Variants in ARID1B observed in about 807,000 individuals in gnomAD.
The protein encoded by ARID1B is AT-rich interaction domain 1B.
A neutral mutation model predicts 212.3 loss-of-function variants in ARID1B; 30 were observed. The observed-to-expected ratio is 0.14, with a 90% CI of 0.11 to 0.19. ARID1B has a LOEUF of 0.19. Among genes scored for constraint, ARID1B ranks in the 10% least tolerant of loss-of-function variants. ARID1B has a pLI of 1.00. For synonymous variants in ARID1B, 1,402 were observed against 1,301.7 expected, an observed-to-expected ratio of 1.08 and a Z score of -1.66; for missense variants, 2,891 against 3,204.0, an observed-to-expected ratio of 0.90 and a Z score of 2.36.
At chr6:157,150,040 G>C (rs745638243) in intron 8 of ARID1B, 2 of 151,548 alleles carry the variant, frequency 1.3e-5, no homozygotes, top group Non-Finnish European at 2.9e-5. Context: ...GCCCTCTGCC[G>C]AACCTACACA....
chr6:157,053,176 C>T (rs1782718591), intron 4 of ARID1B, among the ~76,000 whole-genome samples: 1 of 152,058 alleles, frequency 6.6e-6, no homozygotes, highest in African/African-American at 2.4e-5. Context: ...ACCTCTGCCT[C>T]CAGGGCTCCA....
intron 6 of ARID1B, among the ~76,000 whole-genome samples, chr6:157,124,737 A>T (rs751423337): frequency 2.6e-5 from 4 of 152,340 alleles, no homozygotes; most frequent in Admixed American, 2.6e-4. Flanking sequence ...AAACATATGC[A>T]CATTGGATCA....
intron 2 of ARID1B, among the ~76,000 whole-genome samples, chr6:156,834,525 A>G (rs146470015): frequency 0.019 from 2,820 of 152,352 alleles, 40 homozygotes; most frequent in Non-Finnish European, 0.032. Context: ...AAACGTGTAT[A>G]TGTATATTAA....
In ARID1B at chr6:156,872,891, C is replaced by T. The variant is rs181583874; in HGVS notation, c.1987-28485C>T. Reference sequence around the variant, plus strand: ...TTTGTTTTCCTCCATGCTGTTTTTCCCCTGGAACCCCTGCCCATCGGCCCA... The same window carrying T: ...TTTGTTTTCCTCCATGCTGTTTTTCTCCTGGAACCCCTGCCCATCGGCCCA... On this transcript the variant is annotated intron_variant, in intron 2 of 19. Coordinates refer to ENST00000636930, the MANE Select transcript of ARID1B (RefSeq NM_001374828.1). 8.9e-4 allele frequency among the ~76,000 whole-genome samples: 135 copies of T among 152,128 alleles called. 1 individual carries two copies. The highest frequency in any genetic ancestry group is 3.2e-3 in the African/African-American group (131 of 41,504).
chr6:157,010,285 T>TC (rs1779501953), intron 4 of ARID1B, among the ~76,000 whole-genome samples: 1 of 126,402 alleles, frequency 7.9e-6, no homozygotes. Flanking sequence ...CCTGTTTTTT[T>TC]TTTTTTTTTT....
At chr6:157,116,605 C>T (rs1017237764) in intron 6 of ARID1B, among the ~76,000 whole-genome samples, 5 of 151,372 alleles carry the variant, frequency 3.3e-5, no homozygotes, top group Admixed American at 1.3e-4. Flanking sequence ...CTTCCCCTTT[C>T]GGACACAGAT....
At chr6:156,822,854 G>A (rs1418375583) in intron 1 of ARID1B, among the ~76,000 whole-genome samples, 2 of 152,204 alleles carry the variant, frequency 1.3e-5, no homozygotes, top group African/African-American at 2.4e-5. Context: ...GCGGGTGTGC[G>A]AGGGAGGAAG....
intron 4 of ARID1B, among the ~76,000 whole-genome samples, chr6:157,029,736 T>C (rs982262696): frequency 1.3e-5 from 2 of 152,148 alleles, no homozygotes; most frequent in Admixed American, 6.5e-5. Flanking sequence ...GGCAAGCCAG[T>C]GCAGCGGGAA....
At chr6:157,179,492 G>A (rs773049936) in intron 11 of ARID1B, among the ~76,000 whole-genome samples, 10 of 152,124 alleles carry the variant, frequency 6.6e-5, no homozygotes, top group African/African-American at 2.2e-4. Flanking sequence ...ACACATATAT[G>A]AATATGTATA....
intron 2 of ARID1B, among the ~76,000 whole-genome samples, chr6:156,853,664 A>G (rs1051117856): frequency 2.0e-5 from 3 of 152,204 alleles, no homozygotes; most frequent in Non-Finnish European, 4.4e-5. Context: ...TCTGAGGCTC[A>G]GCCCTAACCT....
chr6:156,834,410 C>G (rs1783359944), intron 2 of ARID1B, among the ~76,000 whole-genome samples: 1 of 152,132 alleles, frequency 6.6e-6, no homozygotes, highest in Non-Finnish European at 1.5e-5. Flanking sequence ...TTTTGAGTCT[C>G]TATATTTACT....
chr6:157,119,826 C>G (rs546436259), intron 6 of ARID1B: 5 of 152,334 alleles, frequency 3.3e-5, no homozygotes, highest in Admixed American at 3.3e-4. Context: ...GTGGCCTTGT[C>G]AGTTTCAGAA....
chr6:156,778,856 C>CGGCGGCGGCGGCGGCGGAGGAGGAGGA lies in ARID1B; in HGVS notation c.1180_1206dup (p.Gly394_Gly402dup). The stretch of plus-strand genomic sequence containing the variant: ...ACAGCCGGCCCGGCGCGGGCGGCGG[C>CGGCGGCGGCGGCGGCGGAGGAGGAGGA]GGCGGCGGCGGCGGCGGAGGAGGAG... On this transcript the variant is annotated inframe_insertion, in exon 1 of 20. Coordinates refer to ENST00000636930, the MANE Select transcript of ARID1B (RefSeq NM_001374828.1). 7.2e-7 allele frequency: 1 copy of CGGCGGCGGCGGCGGCGGAGGAGGAGGA among 1,393,728 alleles called. No homozygotes were observed. The highest frequency in any genetic ancestry group is 1.9e-4 in the Middle Eastern group (1 of 5,154). 86.3% of individuals were successfully genotyped at this position (1,393,728 alleles called of 1,614,324 possible).
chr6:156,842,915 ATTC>A (rs146474217), intron 2 of ARID1B, among the ~76,000 whole-genome samples: 6,492 of 152,318 alleles, frequency 0.043, 476 homozygotes, highest in African/African-American at 0.14. Context: ...TAAGTAGAGA[ATTC>A]TGCCTTTCTA....
chr6:157,186,151 T>C (rs2128330353), intron 13 of ARID1B: 2 of 245,288 alleles, frequency 8.2e-6, no homozygotes, highest in South Asian at 9.7e-5. Flanking sequence ...GTATGGAGAA[T>C]AGCTCTCCCA....
intron 5 of ARID1B, among the ~76,000 whole-genome samples, chr6:157,106,717 G>A (rs1464230516): frequency 6.6e-6 from 1 of 152,200 alleles, no homozygotes; most frequent in Non-Finnish European, 1.5e-5. Context: ...TACAGGTTCT[G>A]CTCAGTGGAG....
chr6:157,098,629 G>A (rs1370401569), intron 5 of ARID1B, among the ~76,000 whole-genome samples: 2 of 152,164 alleles, frequency 1.3e-5, no homozygotes, highest in Non-Finnish European at 2.9e-5. Flanking sequence ...CACATTTTTG[G>A]TCATACTGCC....
intron 4 of ARID1B, among the ~76,000 whole-genome samples, chr6:157,042,198 A>G (rs1007563198): frequency 4.6e-5 from 7 of 152,252 alleles, no homozygotes; most frequent in Non-Finnish European, 5.9e-5. Context: ...AAGCCATGAC[A>G]AAGATGAAAA....
intron 4 of ARID1B, among the ~76,000 whole-genome samples, chr6:156,959,813 G>T (rs1036171702): frequency 3.3e-5 from 5 of 152,058 alleles, no homozygotes; most frequent in African/African-American, 1.2e-4. Flanking sequence ...CTTTCGATCC[G>T]TGGTGGCAGG....
Sources: allele counts gnomAD v4.1 joint callset (sites outside exome capture counted in the v4.1 genomes callset), GRCh38; gene constraint gnomAD v4.1.1; transcripts MANE v1.5; gene names NCBI Gene and HGNC (gene_info 2026-07-23, HGNC 2026-07-21).